VWA8: variants seen among roughly 807,000 people sequenced by gnomAD.
The protein encoded by VWA8 is von Willebrand factor A domain-containing protein 8.
VWA8 carries 221 observed loss-of-function variants against 241.5 expected under a neutral mutation model. That is an observed-to-expected ratio of 0.91 (90% CI 0.82 to 1.02). The LOEUF (loss-of-function observed/expected upper bound fraction) is 1.02. Ranked by LOEUF, VWA8 falls within the 50% of genes least tolerant of loss-of-function variation. The probability of loss-of-function intolerance (pLI) is 0.00; values close to 1 mark genes in which losing one functional copy is unlikely to be tolerated. For synonymous variants in VWA8, 852 were observed against 827.1 expected (o/e 1.03, Z -0.52); for missense variants, 2,322 against 2,328.7 (o/e 1.00, Z 0.06).
At chr13:41,769,005 T>C (rs1387598588) in intron 20 of VWA8, among the ~76,000 whole-genome samples, 1 of 151,218 alleles carries the variant, frequency 6.6e-6, no homozygotes. Flanking sequence ...TGCGGTCAGG[T>C]GATCCTCCAA....
intron 14 of VWA8, among the ~76,000 whole-genome samples, chr13:41,823,537 G>A (rs760339245): frequency 9.2e-5 from 14 of 152,058 alleles, no homozygotes; most frequent in African/African-American, 3.4e-4. Context: ...GCATCCTATA[G>A]TATTTATACT....
rs190089112 is a variant in VWA8 at position 41,577,670 on chromosome 13, G to A, written c.5272-1832C>T. 1.0e-3 allele frequency among the ~76,000 whole-genome samples: 152 copies of A among 152,320 alleles called. 1 individual carries two copies. The highest frequency in any genetic ancestry group is 3.4e-3 in the African/African-American group (142 of 41,570). On this transcript the variant is annotated intron_variant, in intron 42 of 44. Coordinates refer to ENST00000379310, the MANE Select transcript of VWA8 (RefSeq NM_015058.2). ...GTTCTCCTGAGAAAGTGCCAGGCAG[G>A]TTGCTTTCATTATGGGCTGGTGAAG...
At chr13:41,922,063 C>CA (rs1168851411) in intron 2 of VWA8, among the ~76,000 whole-genome samples, 3 of 152,180 alleles carry the variant, frequency 2.0e-5, no homozygotes, top group Admixed American at 2.0e-4. Context: ...ACCAAAACAG[C>CA]ATGGTATGGT....
chr13:41,631,210 G>A (rs1179889976), intron 37 of VWA8, among the ~76,000 whole-genome samples: 1 of 152,006 alleles, frequency 6.6e-6, no homozygotes, highest in Non-Finnish European at 1.5e-5. Context: ...TGTAGAGCTG[G>A]GGTTTCACCG....
intron 2 of VWA8, among the ~76,000 whole-genome samples, chr13:41,948,436 A>G (rs575218656): frequency 1.3e-5 from 2 of 152,350 alleles, no homozygotes; most frequent in East Asian, 3.9e-4. Context: ...AAAACGTTAG[A>G]TAACAGTATG....
At position 41,731,344 on chromosome 13, in the gene VWA8, A is replaced by G. The variant is rs545549791; in HGVS notation, c.2502+736T>C. Among the ~76,000 whole-genome samples, 18 of 152,304 alleles carry G rather than the reference A, an allele frequency of 1.2e-4. No homozygotes were observed. In the South Asian group the frequency reaches 3.7e-3, roughly 32 times the overall value. On this transcript the variant is annotated intron_variant, in intron 22 of 44. Coordinates refer to ENST00000379310, the MANE Select transcript of VWA8 (RefSeq NM_015058.2). ...GAGGACTGGATCTTCCCAGCTGTCT[A>G]AAACACTTGGCTAATATTTTATTAA...
chr13:41,688,851 T>C (rs1227823781), intron 34 of VWA8, among the ~76,000 whole-genome samples: 2 of 151,892 alleles, frequency 1.3e-5, no homozygotes, highest in Non-Finnish European at 2.9e-5. Context: ...AGGGTGAGGA[T>C]CAAAAAACTA....
chr13:41,673,099 T>C (rs545508016), intron 36 of VWA8, among the ~76,000 whole-genome samples: 1 of 152,218 alleles, frequency 6.6e-6, no homozygotes, highest in Non-Finnish European at 1.5e-5. Context: ...AAGAATGTTT[T>C]CCTTATAAAT....
intron 43 of VWA8, among the ~76,000 whole-genome samples, chr13:41,571,697 G>A (rs947668242): frequency 6.6e-6 from 1 of 152,274 alleles, no homozygotes; most frequent in South Asian, 2.1e-4. Flanking sequence ...TCGGCTCGCT[G>A]CAACCTCCAC....
intron 40 of VWA8, among the ~76,000 whole-genome samples, chr13:41,597,072 T>C (rs2044493565): frequency 6.6e-6 from 1 of 152,092 alleles, no homozygotes; most frequent in Non-Finnish European, 1.5e-5. Flanking sequence ...TAAGTAGCAA[T>C]TGTTATAGAG....
chr13:41,747,941 G>T (rs1243315455), intron 21 of VWA8, among the ~76,000 whole-genome samples: 1 of 152,108 alleles, frequency 6.6e-6, no homozygotes, highest in Non-Finnish European at 1.5e-5. Context: ...CATTCCAGGG[G>T]TGAAGCCCAC....
intron 20 of VWA8, among the ~76,000 whole-genome samples, chr13:41,769,037 G>A (rs2045799745): frequency 1.3e-5 from 2 of 152,012 alleles, no homozygotes; most frequent in Admixed American, 1.3e-4. Flanking sequence ...TGAGTAGCTG[G>A]GACTACAGGT....
chr13:41,818,051 C>T (rs895911655), intron 15 of VWA8, among the ~76,000 whole-genome samples: 1 of 151,240 alleles, frequency 6.6e-6, no homozygotes, highest in African/African-American at 2.4e-5. Context: ...CAACCTCCAT[C>T]TCCCAGGTTC....
intron 2 of VWA8, among the ~76,000 whole-genome samples, chr13:41,937,909 C>T (rs1877423489): frequency 6.6e-6 from 1 of 152,078 alleles, no homozygotes. Context: ...ACCTGTAATC[C>T]CAGCACTTTG....
chr13:41,611,762 T>C (rs2044590682), intron 38 of VWA8, 30 bp from the exon 39 acceptor site: 1 of 1,612,746 alleles, frequency 6.2e-7, no homozygotes. Context: ...ATTCAGATGA[T>C]AAATCTGAAC....
intron 20 of VWA8, among the ~76,000 whole-genome samples, chr13:41,763,964 T>A (rs1044655700): frequency 6.6e-6 from 1 of 152,174 alleles, no homozygotes; most frequent in African/African-American, 2.4e-5. Context: ...AACCCCAACC[T>A]TGGCTGTCTT....
intron 37 of VWA8, among the ~76,000 whole-genome samples, chr13:41,620,405 CT>C (rs1249900623): frequency 1.3e-4 from 20 of 151,786 alleles, no homozygotes; most frequent in Non-Finnish European, 2.4e-4. Flanking sequence ...TTCTGTTGAT[CT>C]TTTCAAAAAA....
chr13:41,835,414 T>C (rs182451443), intron 12 of VWA8, among the ~76,000 whole-genome samples: 89 of 152,348 alleles, frequency 5.8e-4, no homozygotes, highest in Non-Finnish European at 1.0e-3. Flanking sequence ...TAAATAACTT[T>C]ATTTAATTCT....
At chr13:41,867,915 G>A (rs1169638308) in intron 10 of VWA8, among the ~76,000 whole-genome samples, 1 of 152,088 alleles carries the variant, frequency 6.6e-6, no homozygotes, top group Non-Finnish European at 1.5e-5. Flanking sequence ...ATATATACAT[G>A]CAGATGGAGC....
Sources: gnomAD v4.1 joint callset for allele counts (sites outside exome capture counted in the v4.1 genomes callset) on GRCh38, gnomAD v4.1.1 for gene constraint, MANE v1.5 for transcripts, NCBI Gene and HGNC (gene_info 2026-07-23, HGNC 2026-07-21) for gene names.